POLR3B: variants seen among roughly 807,000 people sequenced by gnomAD.
POLR3B encodes the protein DNA-directed RNA polymerase III subunit RPC2.
POLR3B carries 96 observed loss-of-function variants against 147.4 expected under a neutral mutation model. That is an observed-to-expected ratio of 0.65 (90% CI 0.55 to 0.77). POLR3B has a LOEUF of 0.77. Among genes scored for constraint, POLR3B ranks in the 30% least tolerant of loss-of-function variants. The probability of loss-of-function intolerance (pLI) is 0.00; values close to 1 mark genes in which losing one functional copy is unlikely to be tolerated. For missense variants in POLR3B, 1,036 were observed against 1,413.5 expected (o/e 0.73, Z 4.28); for synonymous variants, 461 against 485.9 (o/e 0.95, Z 0.67).
At chr12:106,413,491 T>C (rs1364024602) in intron 12 of POLR3B, among the ~76,000 whole-genome samples, 3 of 152,138 alleles carry the variant, frequency 2.0e-5, no homozygotes, top group South Asian at 2.1e-4. Context: ...AGGATTGTTA[T>C]GGGATTAGAT....
At chr12:106,387,895 C>G (rs549249888) in intron 9 of POLR3B, among the ~76,000 whole-genome samples, 1 of 152,274 alleles carries the variant, frequency 6.6e-6, no homozygotes, top group South Asian at 2.1e-4. Flanking sequence ...TGCCCTTTTT[C>G]TTTCCTTAGT....
chr12:106,367,828 C>T (rs1379445615), intron 4 of POLR3B, among the ~76,000 whole-genome samples: 3 of 151,964 alleles, frequency 2.0e-5, no homozygotes, highest in Non-Finnish European at 4.4e-5. Flanking sequence ...ATGCAAATAC[C>T]GTTTCTCATC....
intron 10 of POLR3B, among the ~76,000 whole-genome samples, chr12:106,401,395 T>C (rs2037065184): frequency 6.6e-6 from 1 of 152,196 alleles, no homozygotes; most frequent in Admixed American, 6.5e-5. Flanking sequence ...AAGGAGGAGC[T>C]GGTACCATTC....
intron 23 of POLR3B, among the ~76,000 whole-genome samples, chr12:106,477,424 T>C (rs2038189573): frequency 7.2e-6 from 1 of 139,184 alleles, no homozygotes; most frequent in Admixed American, 6.9e-5. Flanking sequence ...TTTGTTTACC[T>C]AAGCAAGCCT....
chr12:106,413,914 T>C (rs2136940369), intron 12 of POLR3B, among the ~76,000 whole-genome samples: 1 of 152,176 alleles, frequency 6.6e-6, no homozygotes, highest in South Asian at 2.1e-4. Flanking sequence ...CTTTTTCACA[T>C]ATTTTTGGTA....
At chr12:106,426,222 TTGTGTGTGTGTGTG>T (rs35090518) in intron 12 of POLR3B, among the ~76,000 whole-genome samples, 199 of 131,222 alleles carry the variant, frequency 1.5e-3, no homozygotes, top group Middle Eastern at 3.8e-3. Context: ...GGCCTGCAAT[TTGTGTGTGTGTGTG>T]TGTGTGTGTG....
intron 17 of POLR3B, among the ~76,000 whole-genome samples, chr12:106,437,393 A>G (rs889938043): frequency 2.6e-5 from 4 of 152,198 alleles, no homozygotes; most frequent in Non-Finnish European, 5.9e-5. Context: ...GTGTCAGTGT[A>G]GACACTGTGG....
chr12:106,470,230 G>A (rs566312513), intron 23 of POLR3B, among the ~76,000 whole-genome samples: 1 of 151,558 alleles, frequency 6.6e-6, no homozygotes, highest in East Asian at 1.9e-4. Flanking sequence ...CCTTTCTTCC[G>A]CTTGATCGAA....
rs2037524790 is a variant in POLR3B, at chr12:106,432,539, C to A, written c.1627+59C>A. On this transcript the variant is annotated intron_variant, in intron 15 of 27. Coordinates refer to ENST00000228347, the MANE Select transcript of POLR3B (RefSeq NM_018082.6). ...TAGTCTGTGAAGAGGGGGAGGGAAT[C>A]CATTATTATCCTGGTATTTAAAGCA... 3.1e-6 allele frequency: 4 copies of A among 1,310,480 alleles called. No homozygotes were observed. In the Admixed American group the frequency reaches 6.7e-5, roughly 22 times the overall value. The allele number at this position is 1,310,480 out of a possible 1,614,324, so 81.2% of individuals were successfully genotyped here. A position where few individuals can be genotyped will look rare whatever the true frequency, so the allele number is the denominator to read the frequency against.
intron 18 of POLR3B, among the ~76,000 whole-genome samples, chr12:106,441,301 C>T (rs2037648081): frequency 6.6e-6 from 1 of 151,790 alleles, no homozygotes; most frequent in Admixed American, 6.6e-5. Context: ...AGTTTGTTGT[C>T]AGGTGATTTC....
At chr12:106,459,001 T>C (rs547563794) in intron 21 of POLR3B, among the ~76,000 whole-genome samples, 1 of 152,226 alleles carries the variant, frequency 6.6e-6, no homozygotes, top group African/African-American at 2.4e-5. Context: ...TCTGAATTAT[T>C]TTCTTAATTT....
intron 23 of POLR3B, among the ~76,000 whole-genome samples, chr12:106,489,780 G>C (rs1016324079): frequency 6.6e-6 from 1 of 152,200 alleles, no homozygotes; most frequent in African/African-American, 2.4e-5. Flanking sequence ...TTGTACTCGT[G>C]TAGTACTTGA....
At chr12:106,430,640 G>A (rs1046008107) in intron 14 of POLR3B, among the ~76,000 whole-genome samples, 167 bp downstream of exon 14, 1 of 152,138 alleles carries the variant, frequency 6.6e-6, no homozygotes, top group Non-Finnish European at 1.5e-5. Flanking sequence ...GACTACATTA[G>A]TATCATTCTA....
chr12:106,403,154 T>C (rs1593021407), intron 10 of POLR3B, among the ~76,000 whole-genome samples: 2 of 152,042 alleles, frequency 1.3e-5, no homozygotes, highest in Admixed American at 1.3e-4. Flanking sequence ...GCAAAGGATA[T>C]GAACCGACAC....
chr12:106,357,866 C>T lies in POLR3B; in HGVS notation c.-14C>T. The T allele has an allele frequency of 6.2e-7, 1 of 1,612,952 alleles. No homozygotes were observed. Among genetic ancestry groups the T allele is most frequent in the Non-Finnish European group, 8.5e-7 (1 of 1,179,732 alleles). Reference sequence around the variant, plus strand: ...GCGGAGGTTCTATCTGTTTCTTCCTCCTTCGTGAGCAGCATGGACGTGCTA... The same window carrying T: ...GCGGAGGTTCTATCTGTTTCTTCCTTCTTCGTGAGCAGCATGGACGTGCTA... On this transcript the variant is annotated 5_prime_UTR_variant, in exon 1 of 28. Transcript: ENST00000228347.
At chr12:106,420,111 A>G (rs1210521873) in intron 12 of POLR3B, among the ~76,000 whole-genome samples, 4 of 152,120 alleles carry the variant, frequency 2.6e-5, no homozygotes, top group Non-Finnish European at 4.4e-5. Flanking sequence ...CCCATAGACA[A>G]GAAACTGTGT....
chr12:106,361,410 T>G (rs1324709112), intron 1 of POLR3B, among the ~76,000 whole-genome samples: 4 of 152,230 alleles, frequency 2.6e-5, no homozygotes, highest in African/African-American at 9.6e-5. Context: ...AGAATGGAGC[T>G]GGGGGAAGAT....
chr12:106,389,830 G>A (rs1012411081), intron 9 of POLR3B, among the ~76,000 whole-genome samples: 1 of 152,166 alleles, frequency 6.6e-6, no homozygotes, highest in African/African-American at 2.4e-5. Context: ...AGAATTTGAG[G>A]CTATAGTATG....
At chr12:106,496,255 C>G (rs1212641113) in intron 24 of POLR3B, 97 bp downstream of exon 24, 1 of 833,624 alleles carries the variant, frequency 1.2e-6, no homozygotes. Context: ...GACTCTGAAG[C>G]TGTTTTTTCA....
Sources: gnomAD v4.1 joint callset for allele counts (sites outside exome capture counted in the v4.1 genomes callset) on GRCh38, gnomAD v4.1.1 for gene constraint, MANE v1.5 for transcripts, NCBI Gene and HGNC (gene_info 2026-07-23, HGNC 2026-07-21) for gene names.